Variants in SYNE1 observed in about 807,000 individuals in gnomAD.
The protein encoded by SYNE1 is nesprin-1.
Under a neutral mutation model 1,111.0 loss-of-function variants are expected in SYNE1, and 616 were observed. The ratio of observed to expected loss-of-function variants is 0.55; its 90% CI spans 0.52 to 0.59. The LOEUF is 0.59. Ranked by LOEUF, SYNE1 falls within the 20% of genes least tolerant of loss-of-function variation. The pLI is 0.00. For synonymous variants in SYNE1, 3,855 were observed against 3,825.8 expected, an observed-to-expected ratio of 1.01 and a Z score of -0.28; for missense variants, 10,006 against 10,417.0, an observed-to-expected ratio of 0.96 and a Z score of 1.72.
At chr6:152,600,158 G>C (rs768740892) in intron 3 of SYNE1, among the ~76,000 whole-genome samples, 1 of 152,172 alleles carries the variant, frequency 6.6e-6, no homozygotes, top group Non-Finnish European at 1.5e-5. Context: ...AAGGCGAACA[G>C]TTTAACAGGA....
chr6:152,257,406 G>A (rs935028931), intron 101 of SYNE1, among the ~76,000 whole-genome samples: 1 of 152,114 alleles, frequency 6.6e-6, no homozygotes, highest in Non-Finnish European at 1.5e-5. Context: ...GGTGGCATAC[G>A]CCTATAATCC....
At chr6:152,127,173 C>T (rs2053754172) in intron 145 of SYNE1, 1 of 152,110 alleles carries the variant, frequency 6.6e-6, no homozygotes, top group Non-Finnish European at 1.5e-5. Flanking sequence ...AGCTCTAAAA[C>T]CATTGTTTAA....
chr6:152,269,399 T>C lies in SYNE1; in HGVS notation c.18574-113A>G. ...TGTAATGATACCAAAGTGGCTCCAC[T>C]GGGATGTGAAACCACATTTTTTAAA... On this transcript the variant is annotated intron_variant, in intron 98 of 145. Coordinates refer to ENST00000367255, the MANE Select transcript of SYNE1 (RefSeq NM_182961.4). The C allele has an allele frequency of 2.0e-6, 3 of 1,537,820 alleles. No homozygotes were observed. In the African/African-American group the frequency reaches 4.3e-5, roughly 22 times the overall value.
intron 144 of SYNE1, 77 bp from the exon 145 acceptor site, chr6:152,130,855 T>G: frequency 6.8e-7 from 1 of 1,476,200 alleles, no homozygotes; most frequent in Non-Finnish European, 9.4e-7. Flanking sequence ...TAATGAAAAT[T>G]AAACTAAAAG....
intron 128 of SYNE1, among the ~76,000 whole-genome samples, chr6:152,184,638 A>AGATT (rs906013240): frequency 1.6e-5 from 2 of 123,502 alleles, no homozygotes; most frequent in African/African-American, 5.9e-5. Flanking sequence ...ATATATAGAT[A>AGATT]GATAGATAGA....
chr6:152,246,680 C>G (rs867073673), intron 105 of SYNE1, among the ~76,000 whole-genome samples: 1 of 152,096 alleles, frequency 6.6e-6, no homozygotes, highest in Non-Finnish European at 1.5e-5. Context: ...TTTTCCAGAA[C>G]AGAAAGATGA....
chr6:152,456,504 A>G (rs576406071), intron 22 of SYNE1, among the ~76,000 whole-genome samples: 1 of 151,862 alleles, frequency 6.6e-6, no homozygotes, highest in Non-Finnish European at 1.5e-5. Flanking sequence ...ATATATATAT[A>G]TAGTATATCC....
At chr6:152,159,826 T>C (rs2062085497) in intron 131 of SYNE1, among the ~76,000 whole-genome samples, 1 of 152,162 alleles carries the variant, frequency 6.6e-6, no homozygotes, top group Admixed American at 6.5e-5. Flanking sequence ...ACATAGCTAC[T>C]GCTTGATTTG....
chr6:152,152,004 C>T lies in SYNE1; in HGVS notation c.24267G>A (p.Trp8089Ter). ...AGGTGACACGCTTTTGCAGGTTGTC[C>T]CATCTCTGGTTGCCTTCGTGAACCA... is the stretch of plus-strand genomic sequence containing the variant. The part of the protein sequence containing the change: ...KQMVHEGNQR[W>*]DNLQKRVTSI... The change falls in exon 134 of 146, where the codon TGG becomes TGA. Residue 8089 changes from tryptophan to a stop codon, truncating the protein, a stop_gained. Transcript: ENST00000367255. LOFTEE classifies it high-confidence loss of function. 1 of 1,614,114 alleles carries T rather than the reference C, an allele frequency of 6.2e-7. No homozygotes were observed. The highest frequency in any genetic ancestry group is 8.5e-7 in the Non-Finnish European group (1 of 1,180,024).
At chr6:152,218,676 ATCT>A (rs1323174774) in intron 120 of SYNE1, among the ~76,000 whole-genome samples, 2 of 152,198 alleles carry the variant, frequency 1.3e-5, no homozygotes, top group Admixed American at 6.5e-5. Context: ...CGTCTGAAAA[ATCT>A]TCTGATTCTT....
chr6:152,157,018 G>A (rs2061508033), intron 131 of SYNE1, among the ~76,000 whole-genome samples: 2 of 152,144 alleles, frequency 1.3e-5, no homozygotes, highest in South Asian at 4.2e-4. Context: ...GTAGAGACAG[G>A]GTTTTACCAT....
intron 46 of SYNE1, chr6:152,402,365 A>G (rs1337704872): frequency 6.6e-6 from 1 of 152,180 alleles, no homozygotes; most frequent in East Asian, 1.9e-4. Context: ...AGGTCTGTTT[A>G]TCCTCCAGAT....
chr6:152,399,539 G>A, intron 48 of SYNE1, 77 bp downstream of exon 48: 1 of 1,553,966 alleles, frequency 6.4e-7, no homozygotes, highest in African/African-American at 1.4e-5. Context: ...AACTTTTGCT[G>A]GCAGTTTCTA....
chr6:152,613,870 A>T lies in SYNE1; in HGVS notation c.67+14395T>A, dbSNP rs142796018. On this transcript the variant is annotated intron_variant, in intron 3 of 145. Transcript: ENST00000367255. ...ATCTGATCTTTGACAAACCTGACAG[A>T]AACAAGAAATGGGGAAAGGATTTCC... Among the ~76,000 whole-genome samples the T allele has an allele frequency of 4.6e-4, 70 of 152,358 alleles. No homozygotes were observed. The East Asian group carries it at 0.013, about 27-fold the overall frequency.
chr6:152,277,664 A>C (rs1170292520), intron 98 of SYNE1: 6 of 221,060 alleles, frequency 2.7e-5, no homozygotes, highest in Non-Finnish European at 4.6e-5. Flanking sequence ...TTCTGATCTT[A>C]AAATGAAATA....
At chr6:152,317,898 G>A (rs1563019304) in intron 86 of SYNE1, among the ~76,000 whole-genome samples, 183 bp downstream of exon 86, 1 of 152,246 alleles carries the variant, frequency 6.6e-6, no homozygotes, top group Non-Finnish European at 1.5e-5. Context: ...TGGATATAAA[G>A]TAAGTGCTGG....
chr6:152,347,338 A>G (rs1391978406), intron 72 of SYNE1, 103 bp from the exon 73 acceptor site: 1 of 1,385,042 alleles, frequency 7.2e-7, no homozygotes, highest in Middle Eastern at 2.1e-4. Flanking sequence ...ATTGTTTTTG[A>G]AAGAATCTTG....
At chr6:152,377,332 G>A (rs192729339) in intron 56 of SYNE1, among the ~76,000 whole-genome samples, 27 of 151,840 alleles carry the variant, frequency 1.8e-4, no homozygotes, top group African/African-American at 5.3e-4. Context: ...ATTAAGGGCC[G>A]GGTGTGGTGG....
intron 3 of SYNE1, among the ~76,000 whole-genome samples, chr6:152,606,976 CTCTTT>C (rs1235124650): frequency 9.2e-6 from 1 of 109,138 alleles, no homozygotes; most frequent in Non-Finnish European, 1.8e-5. Context: ...TGCCTCGGTT[CTCTTT>C]TTTTTTTTTT....
Sources: gnomAD v4.1 joint callset for allele counts (sites outside exome capture counted in the v4.1 genomes callset) on GRCh38, gnomAD v4.1.1 for gene constraint, MANE v1.5 for transcripts, NCBI Gene and HGNC (gene_info 2026-07-23, HGNC 2026-07-21) for gene names.